Variants in LIPC observed in about 807,000 individuals in gnomAD.
LIPC encodes hepatic triacylglycerol lipase.
LIPC carries 44 observed loss-of-function variants against 50.7 expected under a neutral mutation model. The ratio of observed to expected loss-of-function variants is 0.87; its 90% CI spans 0.68 to 1.11. The LOEUF (loss-of-function observed/expected upper bound fraction) is 1.11. LIPC is among the 50% of genes most tolerant of loss of function. LIPC has a pLI of 0.00. For missense variants in LIPC, 697 were observed against 648.2 expected (o/e 1.08, Z -0.82); for synonymous variants, 271 against 256.4 (o/e 1.06, Z -0.54).
intron 1 of LIPC, among the ~76,000 whole-genome samples, chr15:58,492,741 T>C (rs1891627365): frequency 6.6e-6 from 1 of 152,162 alleles, no homozygotes; most frequent in Non-Finnish European, 1.5e-5. Context: ...TTGTTTTTTG[T>C]TCTGTTTTGT....
At chr15:58,546,393 G>A (rs1449464795) in intron 5 of LIPC, among the ~76,000 whole-genome samples, 6 of 152,254 alleles carry the variant, frequency 3.9e-5, no homozygotes, top group African/African-American at 7.2e-5. Flanking sequence ...CACTTAATAG[G>A]TTGTGGCTTC....
At chr15:58,556,960 G>T (rs1893974325) in intron 6 of LIPC, among the ~76,000 whole-genome samples, 1 of 152,206 alleles carries the variant, frequency 6.6e-6, no homozygotes, top group Non-Finnish European at 1.5e-5. Context: ...GCGCTAAATA[G>T]TAGTTATCAT....
intron 1 of LIPC, among the ~76,000 whole-genome samples, chr15:58,462,234 T>C (rs1350315707): frequency 8.5e-5 from 13 of 152,174 alleles, no homozygotes; most frequent in Admixed American, 6.5e-4. Context: ...GGCTGGGCCT[T>C]AGTACAGTCT....
At chr15:58,468,726 G>T (rs115640966) in intron 1 of LIPC, among the ~76,000 whole-genome samples, 1 of 152,190 alleles carries the variant, frequency 6.6e-6, no homozygotes, top group Non-Finnish European at 1.5e-5. Context: ...CCCCAGACCA[G>T]TTCAGATCTA....
chr15:58,462,747 G>A (rs1300739807), intron 1 of LIPC, among the ~76,000 whole-genome samples: 7 of 152,072 alleles, frequency 4.6e-5, no homozygotes, highest in African/African-American at 1.7e-4. Flanking sequence ...TGACTCAGAG[G>A]CCACTCCAGG....
intron 1 of LIPC, among the ~76,000 whole-genome samples, chr15:58,437,623 C>G (rs1161186062): frequency 1.3e-5 from 2 of 152,116 alleles, no homozygotes; most frequent in African/African-American, 4.8e-5. Context: ...TTCCACTGTC[C>G]TTCCGACCTG....
intron 6 of LIPC, among the ~76,000 whole-genome samples, chr15:58,557,919 C>T (rs1894014971): frequency 6.6e-6 from 1 of 152,126 alleles, no homozygotes; most frequent in South Asian, 2.1e-4. Flanking sequence ...ACTTACAAGA[C>T]TGTTCATTTG....
intron 2 of LIPC, among the ~76,000 whole-genome samples, chr15:58,540,800 T>C (rs1893293020): frequency 6.6e-6 from 1 of 152,100 alleles, no homozygotes; most frequent in African/African-American, 2.4e-5. Context: ...GTATTCTTTT[T>C]GTTTCTTTGT....
chr15:58,557,342 G>T (rs887003271), intron 6 of LIPC, among the ~76,000 whole-genome samples: 3 of 145,958 alleles, frequency 2.1e-5, no homozygotes, highest in Non-Finnish European at 1.5e-5. Flanking sequence ...ATAGATATTA[G>T]CCAATGTTAT....
At chr15:58,457,827 G>A (rs1320432914) in intron 1 of LIPC, among the ~76,000 whole-genome samples, 5 of 152,128 alleles carry the variant, frequency 3.3e-5, no homozygotes, top group East Asian at 1.9e-4. Flanking sequence ...GTCCACCTCC[G>A]TGATTCACAC....
chr15:58,467,226 C>T (rs768285135), intron 1 of LIPC, among the ~76,000 whole-genome samples: 8 of 152,258 alleles, frequency 5.3e-5, no homozygotes, highest in Middle Eastern at 6.8e-3. Context: ...AATGGACTTC[C>T]GTGATCACCT....
intron 1 of LIPC, among the ~76,000 whole-genome samples, chr15:58,443,308 C>T (rs1893568333): frequency 6.6e-6 from 1 of 152,186 alleles, no homozygotes; most frequent in South Asian, 2.1e-4. Flanking sequence ...CCTTACACAA[C>T]TGTGAGTGAT....
At chr15:58,474,893 G>A (rs766046511) in intron 1 of LIPC, among the ~76,000 whole-genome samples, 2 of 152,208 alleles carry the variant, frequency 1.3e-5, no homozygotes, top group Non-Finnish European at 2.9e-5. Flanking sequence ...CCATCCCAGA[G>A]AGCAACTGCT....
intron 1 of LIPC, among the ~76,000 whole-genome samples, chr15:58,528,761 G>T (rs1367192033): frequency 1.3e-5 from 2 of 152,244 alleles, no homozygotes; most frequent in East Asian, 3.9e-4. Flanking sequence ...CACGGGTCCA[G>T]ACTGGAAAGG....
chr15:58,519,960 A>G (rs956140954), intron 1 of LIPC, among the ~76,000 whole-genome samples: 3 of 152,042 alleles, frequency 2.0e-5, no homozygotes, highest in African/African-American at 7.3e-5. Context: ...TCTCTTTTGA[A>G]ACTGGCCGAG....
chr15:58,490,910 C>A (rs1891564206), intron 1 of LIPC, among the ~76,000 whole-genome samples: 1 of 152,164 alleles, frequency 6.6e-6, no homozygotes, highest in African/African-American at 2.4e-5. Flanking sequence ...ATACTAATTA[C>A]ACCCAGGTGG....
intron 1 of LIPC, among the ~76,000 whole-genome samples, chr15:58,534,151 G>A (rs1893043407): frequency 6.6e-6 from 1 of 152,192 alleles, no homozygotes. Flanking sequence ...AATGGGTTGG[G>A]AGGAAGGAAA....
intron 1 of LIPC, chr15:58,435,911 A>G (rs1478795285): frequency 1.3e-5 from 2 of 152,242 alleles, no homozygotes. Flanking sequence ...ACTCCATCCC[A>G]AAAGAAAGAG....
intron 1 of LIPC, among the ~76,000 whole-genome samples, chr15:58,517,685 C>T (rs1456825120): frequency 6.6e-6 from 1 of 152,182 alleles, no homozygotes; most frequent in Non-Finnish European, 1.5e-5. Context: ...CAACAGAAAC[C>T]CTGCCGAAAC....
Sources: allele counts gnomAD v4.1 joint callset (sites outside exome capture counted in the v4.1 genomes callset), GRCh38; gene constraint gnomAD v4.1.1; transcripts MANE v1.5; gene names NCBI Gene and HGNC (gene_info 2026-07-23, HGNC 2026-07-21).